OSTM1: variants seen among roughly 807,000 people sequenced by gnomAD.
The protein encoded by OSTM1 is osteopetrosis-associated transmembrane protein 1.
In OSTM1, 26 loss-of-function variants were observed where a neutral mutation model predicts 35.4. The ratio of observed to expected loss-of-function variants is 0.73; its 90% CI spans 0.54 to 1.02. The LOEUF is 1.02. Ranked by LOEUF, OSTM1 falls within the 50% of genes least tolerant of loss-of-function variation. The probability of loss-of-function intolerance (pLI) is 0.00; values close to 1 mark genes in which losing one functional copy is unlikely to be tolerated. For missense variants in OSTM1, 366 were observed against 409.6 expected (o/e 0.89, Z 0.92); for synonymous variants, 181 against 165.0 (o/e 1.10, Z -0.75).
Position 108,049,334 on chromosome 6 carries a change from C to T in OSTM1, c.868G>A (p.Val290Met), listed in dbSNP as rs759538488. ...ACAACAGGTAGAAAGAGAATGAACA[C>T]AGAAACAGCAATTACAGGCACTGTG... ...SDTVPVIAVS[V>M]FILFLPVVFY... Residue 290 changes from valine to methionine, a missense_variant, in exon 5 of 6, where the codon GTG becomes ATG. Coordinates refer to ENST00000193322, the MANE Select transcript of OSTM1 (RefSeq NM_014028.4). 6.2e-7 allele frequency: 1 copy of T among 1,613,092 alleles called. No homozygotes were observed. Among genetic ancestry groups the T allele is most frequent in the South Asian group, 1.1e-5 (1 of 91,014 alleles).
Position 108,043,537 on chromosome 6 carries a change from A to G in OSTM1, c.*1248T>C, listed in dbSNP as rs1031303504. On this transcript the variant is annotated 3_prime_UTR_variant, in exon 6 of 6. Transcript: ENST00000193322. Reference sequence around the variant, plus strand: ...ATTCTTAATGTTTACAACAAAGCCTATTTCCACCAAAAAAGCAAGAAGAAA... The same window carrying G: ...ATTCTTAATGTTTACAACAAAGCCTGTTTCCACCAAAAAAGCAAGAAGAAA... The G allele has an allele frequency of 1.3e-5, 2 of 152,180 alleles. No individual in the cohort carries two copies. The highest frequency in any genetic ancestry group is 2.9e-5 in the Non-Finnish European group (2 of 68,028). The allele number at this position is 152,180 out of a possible 1,614,324, so 9.4% of individuals were successfully genotyped here.
chr6:108,062,762 A>G (rs1373788452), intron 2 of OSTM1, among the ~76,000 whole-genome samples: 1 of 152,106 alleles, frequency 6.6e-6, no homozygotes. Flanking sequence ...TCCTAGGCTC[A>G]AACAATTCTC....
At chr6:108,057,622 GAACAA>G (rs1344711736) in intron 2 of OSTM1, among the ~76,000 whole-genome samples, 1 of 152,116 alleles carries the variant, frequency 6.6e-6, no homozygotes, top group Non-Finnish European at 1.5e-5. Context: ...CTTCTCTGAA[GAACAA>G]AAGAACTTAA....
intron 4 of OSTM1, 27 bp from the exon 5 acceptor site, chr6:108,049,445 C>A (rs748997765): frequency 8.7e-6 from 14 of 1,609,490 alleles, no homozygotes; most frequent in Non-Finnish European, 1.7e-6. Context: ...CAATATCTTT[C>A]TATTTTATAT....
Position 108,049,266 on chromosome 6 carries a change from G to T in OSTM1, c.936C>A (p.Arg312=), listed in dbSNP as rs995818669. The change falls in exon 5 of 6, where the codon CGC becomes CGA. Residue 312 remains arginine (R), a synonymous_variant. Transcript: ENST00000193322. ...SSFLHSEQKK[R]KLILPKRLKS... ...TAAAAAACTTACGCAGAATGAGTTT[G>T]CGTTTCTTTTGCTCTGAGTGAAGAA... is the stretch of plus-strand genomic sequence containing the variant. 3 of 1,610,192 alleles carry T rather than the reference G, an allele frequency of 1.9e-6. No homozygotes were observed. Among genetic ancestry groups the T allele is most frequent in the Non-Finnish European group, 2.5e-6 (3 of 1,176,934 alleles).
chr6:108,065,894 T>C (rs1362980616), intron 1 of OSTM1, among the ~76,000 whole-genome samples: 1 of 152,164 alleles, frequency 6.6e-6, no homozygotes, highest in Non-Finnish European at 1.5e-5. Flanking sequence ...TGTGGAACAG[T>C]TCGGTTCAGG....
In OSTM1 at chr6:108,049,329, G is replaced by C. The variant is rs148750424; in HGVS notation, c.873C>G (p.Phe291Leu). ...AGAAGACAACAGGTAGAAAGAGAATGAACACAGAAACAGCAATTACAGGCA... is the reference window on the plus strand; with the variant it reads ...AGAAGACAACAGGTAGAAAGAGAATCAACACAGAAACAGCAATTACAGGCA... The part of the protein sequence containing the change: ...DTVPVIAVSV[F>L]ILFLPVVFYL... Residue 291 changes from phenylalanine to leucine, a missense_variant, in exon 5 of 6, where the codon TTC becomes TTG. Coordinates refer to ENST00000193322, the MANE Select transcript of OSTM1 (RefSeq NM_014028.4). 1 of 1,612,760 alleles carries C rather than the reference G, an allele frequency of 6.2e-7. No individual in the cohort carries two copies. Among genetic ancestry groups the C allele is most frequent in the Non-Finnish European group, 8.5e-7 (1 of 1,178,934 alleles).
At chr6:108,050,358 CTTTTTTTTTTT>C (rs759901355) in intron 4 of OSTM1, among the ~76,000 whole-genome samples, 10 of 104,820 alleles carry the variant, frequency 9.5e-5, no homozygotes, top group African/African-American at 3.3e-4. Flanking sequence ...CCAGAAACGT[CTTTTTTTTTTT>C]TTTTTTTTTT....
intron 2 of OSTM1, among the ~76,000 whole-genome samples, chr6:108,059,086 T>C (rs114684754): frequency 0.023 from 3,517 of 152,286 alleles, 109 homozygotes; most frequent in African/African-American, 0.072. Context: ...TGCTTCATAC[T>C]GGATACTGCT....
chr6:108,073,895 T>A, intron 1 of OSTM1: 1 of 337,802 alleles, frequency 3.0e-6, no homozygotes, highest in Admixed American at 4.6e-5. Context: ...TACCAGTGTC[T>A]CCACCCCACT....
At chr6:108,056,663 G>C (rs1225319311) in intron 2 of OSTM1, among the ~76,000 whole-genome samples, 1 of 152,174 alleles carries the variant, frequency 6.6e-6, no homozygotes, top group African/African-American at 2.4e-5. Flanking sequence ...AGCTAAGCTG[G>C]AATTCAGCCC....
chr6:108,055,204 CT>C (rs1175413778), intron 2 of OSTM1, among the ~76,000 whole-genome samples: 1 of 152,226 alleles, frequency 6.6e-6, no homozygotes, highest in Admixed American at 6.5e-5. Flanking sequence ...TTCTCTGCAA[CT>C]GGCTATTCTT....
At chr6:108,052,859 G>A (rs1391706119) in intron 3 of OSTM1, among the ~76,000 whole-genome samples, 1 of 152,110 alleles carries the variant, frequency 6.6e-6, no homozygotes, top group Admixed American at 6.5e-5. Context: ...CCATTCTTTA[G>A]GACTGCAGTA....
intron 2 of OSTM1, among the ~76,000 whole-genome samples, chr6:108,059,411 T>C (rs1334713275): frequency 6.6e-6 from 1 of 152,138 alleles, no homozygotes; most frequent in African/African-American, 2.4e-5. Context: ...ACTAATACCA[T>C]TTGAAGACAC....
chr6:108,048,175 G>A (rs185135881), intron 5 of OSTM1, among the ~76,000 whole-genome samples: 133 of 152,234 alleles, frequency 8.7e-4, no homozygotes, highest in Admixed American at 1.4e-3. Flanking sequence ...AGATATATTA[G>A]AAGTGAAGTT....
chr6:108,049,496 C>G (rs899330543), intron 4 of OSTM1, 78 bp from the exon 5 acceptor site: 1 of 1,585,798 alleles, frequency 6.3e-7, no homozygotes. Flanking sequence ...TTGCTAATAA[C>G]TAAACAGGAA....
At chr6:108,059,954 A>T (rs977649796) in intron 2 of OSTM1, among the ~76,000 whole-genome samples, 5 of 152,354 alleles carry the variant, frequency 3.3e-5, no homozygotes, top group Non-Finnish European at 7.4e-5. Flanking sequence ...ATTCTGTTAA[A>T]TTTTTTAAAT....
At chr6:108,061,524 T>C (rs1772271077) in intron 2 of OSTM1, among the ~76,000 whole-genome samples, 1 of 151,902 alleles carries the variant, frequency 6.6e-6, no homozygotes, top group Non-Finnish European at 1.5e-5. Flanking sequence ...TTAAATGATG[T>C]TTAAAAAACC....
intron 1 of OSTM1, among the ~76,000 whole-genome samples, chr6:108,070,636 T>C (rs1355788703): frequency 1.3e-5 from 2 of 151,934 alleles, no homozygotes; most frequent in Admixed American, 1.3e-4. Flanking sequence ...ACGCCTGTAA[T>C]CCCAGCACTC....
Sources: allele counts gnomAD v4.1 joint callset (sites outside exome capture counted in the v4.1 genomes callset), GRCh38; gene constraint gnomAD v4.1.1; transcripts MANE v1.5; gene names NCBI Gene and HGNC (gene_info 2026-07-23, HGNC 2026-07-21).